Variants in LAMC2 observed in about 807,000 individuals in gnomAD.
LAMC2 encodes the protein laminin subunit gamma 2, also known as laminin subunit gamma-2.
A neutral mutation model predicts 140.2 loss-of-function variants in LAMC2; 97 were observed. The observed-to-expected ratio is 0.69, with a 90% confidence interval of 0.59 to 0.82. LAMC2 has a LOEUF of 0.82. Ranked by LOEUF, LAMC2 falls within the 40% of genes least tolerant of loss-of-function variation. The pLI, the probability that LAMC2 is intolerant of heterozygous loss-of-function variation, is 0.00. For missense variants in LAMC2, 1,402 were observed against 1,476.1 expected, an observed-to-expected ratio of 0.95 and a Z score of 0.82; for synonymous variants, 513 against 540.2, an observed-to-expected ratio of 0.95 and a Z score of 0.70.
At chr1:183,229,004 A>G (rs1013155941) in intron 11 of LAMC2, among the ~76,000 whole-genome samples, 5 of 152,214 alleles carry the variant, frequency 3.3e-5, no homozygotes, top group Non-Finnish European at 5.9e-5. Context: ...AAGCAAACTC[A>G]AGTGGGAAGG....
chr1:183,188,335 T>A (rs940163745), intron 1 of LAMC2, among the ~76,000 whole-genome samples: 2 of 152,262 alleles, frequency 1.3e-5, no homozygotes, highest in Non-Finnish European at 2.9e-5. Flanking sequence ...ATCTGCCATG[T>A]CTCAAAGTGA....
intron 1 of LAMC2, among the ~76,000 whole-genome samples, chr1:183,195,968 A>T (rs761284461): frequency 1.3e-5 from 2 of 152,188 alleles, no homozygotes; most frequent in Non-Finnish European, 2.9e-5. Flanking sequence ...AAAAACATTC[A>T]TCTTTTCATC....
intron 1 of LAMC2, among the ~76,000 whole-genome samples, chr1:183,203,727 A>G (rs1419162879): frequency 2.0e-5 from 3 of 152,120 alleles, no homozygotes; most frequent in East Asian, 1.9e-4. Flanking sequence ...GGTAACTTCA[A>G]AGTCCTGCAG....
downstream of LAMC2, chr1:183,249,278 C>G (rs1339514275): frequency 6.6e-6 from 1 of 152,232 alleles, no homozygotes; most frequent in African/African-American, 2.4e-5. Flanking sequence ...GAGGTACCCA[C>G]TAGCAGCACA....
At chr1:183,235,020 C>T (rs1269820620) in intron 15 of LAMC2, among the ~76,000 whole-genome samples, 3 of 152,162 alleles carry the variant, frequency 2.0e-5, no homozygotes, top group Admixed American at 2.0e-4. Flanking sequence ...ATTCAGTCAG[C>T]GGAAGAGGGC....
rs1659699748 is a variant in LAMC2, at chr1:183,228,485, C to G, written c.1580C>G (p.Ala527Gly). ...TGCAACAACAATGTGGACCCCAGTG[C>G]CTCTGGGAATTGTGACCGGCTGACA... is the stretch of plus-strand genomic sequence containing the variant. ...CQCNNNVDPS[A>G]SGNCDRLTGR... Residue 527 changes from alanine to glycine, a missense_variant, in exon 11 of 23, where the codon GCC becomes GGC. Ala to Gly is a moderately conservative substitution (Grantham distance 60). Around this residue, in one of 3 missense-constraint regions of LAMC2, gnomAD observed 723 missense variants for 783.3 expected, o/e 0.92. Transcript: ENST00000264144. This position sits in a 1 kb window ranked among gnomAD's most constrained non-coding sequence, Gnocchi z 4.3. The G allele has an allele frequency of 1.2e-6, 2 of 1,613,762 alleles. No homozygotes were observed. Among genetic ancestry groups the G allele is most frequent in the Admixed American group, 3.3e-5 (2 of 59,970 alleles).
intron 2 of LAMC2, among the ~76,000 whole-genome samples, chr1:183,214,049 A>G (rs74836900): frequency 8.3e-5 from 12 of 144,668 alleles, no homozygotes; most frequent in Admixed American, 2.0e-4. Context: ...AAAAAAAAAA[A>G]AAATACAGAT....
intron 18 of LAMC2, among the ~76,000 whole-genome samples, chr1:183,237,756 C>T (rs1571540505): frequency 6.6e-6 from 1 of 152,260 alleles, no homozygotes; most frequent in Non-Finnish European, 1.5e-5. Flanking sequence ...CATGATGACA[C>T]GTGCCTATAG....
intron 1 of LAMC2, among the ~76,000 whole-genome samples, chr1:183,189,502 A>G (rs190493044): frequency 2.0e-5 from 3 of 152,350 alleles, no homozygotes; most frequent in East Asian, 3.9e-4. Flanking sequence ...ACTGCACTCC[A>G]GCCTGGGTGA....
chr1:183,236,164 T>A (rs1028824214), intron 16 of LAMC2, among the ~76,000 whole-genome samples: 1 of 151,986 alleles, frequency 6.6e-6, no homozygotes, highest in Non-Finnish European at 1.5e-5. Flanking sequence ...ATAATTTTGT[T>A]TGGTTCTTCT....
chr1:183,201,968 C>T (rs2102184743), intron 1 of LAMC2, among the ~76,000 whole-genome samples: 1 of 152,120 alleles, frequency 6.6e-6, no homozygotes. Context: ...TCTAAGGTGA[C>T]CTTGATGGAC....
intron 8 of LAMC2, 27 bp from the exon 9 acceptor site, chr1:183,226,671 A>G (rs1253426309): frequency 5.0e-6 from 8 of 1,596,372 alleles, no homozygotes; most frequent in African/African-American, 1.3e-5. Context: ...ACCACTTGCA[A>G]CTTCTAACCT....
At position 183,224,838 on chromosome 1, in the gene LAMC2, T is replaced by A. The variant is rs1004758306; in HGVS notation, c.954-770T>A. 2.0e-5 allele frequency among the ~76,000 whole-genome samples: 3 copies of A among 152,192 alleles called. No individual in the cohort carries two copies. The East Asian group carries it at 5.8e-4, about 29-fold the overall frequency. On this transcript the variant is annotated intron_variant, in intron 7 of 22. Coordinates refer to ENST00000264144, the MANE Select transcript of LAMC2 (RefSeq NM_005562.3). ...CAGCTAAAGTTACAGTCACTTTGTT[T>A]TTCCATGGTACTCTGTGCATGCATC...
At chr1:183,253,698 C>T in the LAMC2 span, among the ~76,000 whole-genome samples, 1 of 152,112 alleles carries the variant, frequency 6.6e-6, no homozygotes, top group East Asian at 1.9e-4. Flanking sequence ...ATCTATATCT[C>T]CCCACTTTCA....
chr1:183,196,739 A>G (rs149353825), intron 1 of LAMC2, among the ~76,000 whole-genome samples: 6 of 147,442 alleles, frequency 4.1e-5, no homozygotes, highest in African/African-American at 1.5e-4. Flanking sequence ...ATTAAGATTT[A>G]GTTTTTAGTG....
chr1:183,229,014 G>A (rs969004518), intron 11 of LAMC2, among the ~76,000 whole-genome samples: 2 of 152,192 alleles, frequency 1.3e-5, no homozygotes, highest in Non-Finnish European at 2.9e-5. Context: ...AAGTGGGAAG[G>A]GGAGTGGGCT....
intron 15 of LAMC2, 28 bp downstream of exon 15, chr1:183,234,474 T>C: frequency 6.4e-7 from 1 of 1,567,166 alleles, no homozygotes; most frequent in African/African-American, 1.3e-5. Context: ...GCACCTCTGC[T>C]TCAAGCCGTC....
intron 1 of LAMC2, among the ~76,000 whole-genome samples, chr1:183,193,902 G>C (rs918859346): frequency 9.3e-5 from 14 of 150,896 alleles, no homozygotes; most frequent in Non-Finnish European, 3.0e-5. Flanking sequence ...TGGCTCATAA[G>C]AGCTCATTTA....
intron 16 of LAMC2, among the ~76,000 whole-genome samples, chr1:183,236,227 T>TA (rs956572360): frequency 2.8e-4 from 42 of 149,136 alleles, no homozygotes; most frequent in Admixed American, 6.0e-4. Context: ...TTGCTTTTGT[T>TA]AAAAAAAAAG....
Sources: allele counts gnomAD v4.1 joint callset (sites outside exome capture counted in the v4.1 genomes callset), GRCh38; gene constraint gnomAD v4.1.1; regional missense constraint gnomAD v4.1.1; non-coding constraint Gnocchi (gnomAD v3.1); transcripts MANE v1.5; gene names NCBI Gene and HGNC (gene_info 2026-07-23, HGNC 2026-07-21).